The following KCTD16 variants were observed in gnomAD, a reference collection of about 807,000 sequenced individuals.
KCTD16 encodes the protein BTB/POZ domain-containing protein KCTD16.
Under a neutral mutation model 33.2 loss-of-function variants are expected in KCTD16, and 13 were observed. That is an observed-to-expected ratio of 0.39 (90% CI 0.25 to 0.62). The LOEUF (loss-of-function observed/expected upper bound fraction) is 0.62. Ranked by LOEUF, KCTD16 falls within the 20% of genes least tolerant of loss-of-function variation. The probability of loss-of-function intolerance (pLI) is 0.50; values close to 1 mark genes in which losing one functional copy is unlikely to be tolerated. For missense variants in KCTD16, 441 were observed against 525.1 expected, an observed-to-expected ratio of 0.84 and a Z score of 1.57; for synonymous variants, 197 against 195.3, an observed-to-expected ratio of 1.01 and a Z score of -0.07.
At position 144,302,037 on chromosome 5, in the gene KCTD16, G is replaced by T. The variant is rs1751456779; in HGVS notation, c.832+94491G>T. On this transcript the variant is annotated intron_variant, in intron 3 of 3. Transcript: ENST00000512467. ...TTAAGTAAGTTTTATGTAAAAATTA[G>T]GTTTTATTACTATCCCCTTTTAAAA... 2.6e-5 allele frequency among the ~76,000 whole-genome samples: 4 copies of T among 152,098 alleles called. No individual in the cohort carries two copies. The South Asian group carries it at 8.3e-4, about 32-fold the overall frequency.
At chr5:144,414,220 C>T (rs1752997050) in intron 3 of KCTD16, among the ~76,000 whole-genome samples, 2 of 152,084 alleles carry the variant, frequency 1.3e-5, no homozygotes, top group South Asian at 2.1e-4. Flanking sequence ...CTTGTTATTT[C>T]GTTCATGTTT....
chr5:144,199,783 C>A (rs1753007410), intron 2 of KCTD16, among the ~76,000 whole-genome samples: 1 of 122,118 alleles, frequency 8.2e-6, no homozygotes, highest in South Asian at 2.9e-4. Context: ...GTGGCAAAAT[C>A]TTGGCTCATT....
intron 3 of KCTD16, among the ~76,000 whole-genome samples, chr5:144,340,059 C>G (rs1752588351): frequency 6.6e-6 from 1 of 152,120 alleles, no homozygotes; most frequent in Non-Finnish European, 1.5e-5. Context: ...CCATTCCATT[C>G]TATCCAGTGA....
chr5:144,292,770 A>G (rs761765355), intron 3 of KCTD16, among the ~76,000 whole-genome samples: 38 of 152,184 alleles, frequency 2.5e-4, no homozygotes, highest in Non-Finnish European at 4.6e-4. Flanking sequence ...GGATCAATAG[A>G]GAATTCTCAA....
chr5:144,425,755 G>A (rs1384577057), intron 3 of KCTD16, among the ~76,000 whole-genome samples: 4 of 152,016 alleles, frequency 2.6e-5, no homozygotes, highest in Non-Finnish European at 4.4e-5. Flanking sequence ...GAGTCCCAAG[G>A]AAGCCCTGGG....
chr5:144,216,281 T>C (rs1188553708), intron 3 of KCTD16, among the ~76,000 whole-genome samples: 2 of 152,156 alleles, frequency 1.3e-5, no homozygotes, highest in Non-Finnish European at 1.5e-5. Context: ...TGAGTAGCTG[T>C]GTTATGTGGC....
In KCTD16 at chr5:144,299,112, A is replaced by T. The variant is rs1205981000; in HGVS notation, c.832+91566A>T. Among the ~76,000 whole-genome samples the T allele has an allele frequency of 7.9e-4, 11 of 13,978 alleles. 1 individual carries two copies. Among genetic ancestry groups the T allele is most frequent in the African/African-American group, 2.1e-3 (5 of 2,422 alleles). 9.2% of individuals were successfully genotyped at this position (13,978 alleles called of 152,430 possible). The stretch of plus-strand genomic sequence containing the variant: ...TATCACTATGTATATATATATATAT[A>T]TATATATATATATATATATATATAT... On this transcript the variant is annotated intron_variant, in intron 3 of 3. Coordinates refer to ENST00000512467, the MANE Select transcript of KCTD16 (RefSeq NM_020768.4).
At chr5:144,471,946 A>C (rs1421600291) in intron 3 of KCTD16, among the ~76,000 whole-genome samples, 1 of 152,218 alleles carries the variant, frequency 6.6e-6, no homozygotes, top group African/African-American at 2.4e-5. Flanking sequence ...TTAAAAAATT[A>C]TATGGAGATA....
chr5:144,227,302 G>A (rs1353132537), intron 3 of KCTD16, among the ~76,000 whole-genome samples: 1 of 152,154 alleles, frequency 6.6e-6, no homozygotes, highest in Non-Finnish European at 1.5e-5. Flanking sequence ...CAAACTATGG[G>A]GAATCTGACA....
intron 3 of KCTD16, among the ~76,000 whole-genome samples, chr5:144,372,685 A>G (rs538651086): frequency 6.6e-6 from 1 of 152,296 alleles, no homozygotes; most frequent in South Asian, 2.1e-4. Context: ...GAGAAACTGT[A>G]TGTCTAAAGG....
At chr5:144,368,934 C>T (rs1032042301) in intron 3 of KCTD16, among the ~76,000 whole-genome samples, 1 of 152,116 alleles carries the variant, frequency 6.6e-6, no homozygotes, top group African/African-American at 2.4e-5. Context: ...GAACTCGAAC[C>T]CAGATTTATC....
chr5:144,335,093 C>T lies in KCTD16; in HGVS notation c.832+127547C>T, dbSNP rs527279646. ...CTAGGCCCCACCCAGATCCTGTTTT[C>T]TTAATTATTTTTCTTGCACTGTACA... is the stretch of plus-strand genomic sequence containing the variant. On this transcript the variant is annotated intron_variant, in intron 3 of 3. Transcript: ENST00000512467. Among the ~76,000 whole-genome samples, 3 of 152,160 alleles carry T rather than the reference C, an allele frequency of 2.0e-5. No individual in the cohort carries two copies. The South Asian group carries it at 6.2e-4, about 32-fold the overall frequency.
intron 3 of KCTD16, among the ~76,000 whole-genome samples, chr5:144,299,898 T>TAAAAAAAAAAAAAAAAAAAAAAAAA (rs66821172): frequency 7.8e-6 from 1 of 128,900 alleles, no homozygotes; most frequent in African/African-American, 3.0e-5. Flanking sequence ...CAGAATCATT[T>TAAAAAAAAAAAAAAAAAAAAAAAAA]AAAAAAAAAA....
At chr5:144,314,686 A>C (rs1751859148) in intron 3 of KCTD16, among the ~76,000 whole-genome samples, 1 of 152,170 alleles carries the variant, frequency 6.6e-6, no homozygotes, top group Non-Finnish European at 1.5e-5. Context: ...ACTTCCTTAA[A>C]AATAGGGACT....
chr5:144,438,226 T>G (rs901704895), intron 3 of KCTD16, among the ~76,000 whole-genome samples: 3 of 152,204 alleles, frequency 2.0e-5, no homozygotes, highest in African/African-American at 7.2e-5. Context: ...CTGGAAACAG[T>G]ACAATGTTCC....
intron 3 of KCTD16, among the ~76,000 whole-genome samples, chr5:144,296,173 T>G (rs534972948): frequency 4.1e-4 from 63 of 152,186 alleles, no homozygotes; most frequent in African/African-American, 1.5e-3. Flanking sequence ...GTACAGGAGT[T>G]GGAGGCAAAA....
Position 144,209,199 on chromosome 5 carries a change from C to T in KCTD16, c.832+1653C>T, listed in dbSNP as rs149457323. Among the ~76,000 whole-genome samples, 543 of 152,272 alleles carry T rather than the reference C, an allele frequency of 3.6e-3. 5 individuals carry two copies. The highest frequency in any genetic ancestry group is 6.5e-3 in the Non-Finnish European group (443 of 68,014). On this transcript the variant is annotated intron_variant, in intron 3 of 3. Transcript: ENST00000512467. ...TAAATGGAAACATACCAGTTATACC[C>T]TCCAAAAAGACCACATTGGATTTAT...
Position 144,287,410 on chromosome 5 carries a change from C to G in KCTD16, c.832+79864C>G, listed in dbSNP as rs536817786. On this transcript the variant is annotated intron_variant, in intron 3 of 3. Coordinates refer to ENST00000512467, the MANE Select transcript of KCTD16 (RefSeq NM_020768.4). ...CGTTATGCTCCTTGTGGTTGGAAGA[C>G]TGTTCATGCATTCTTACAGCCACCA... is the stretch of plus-strand genomic sequence containing the variant. 5.3e-5 allele frequency among the ~76,000 whole-genome samples: 8 copies of G among 152,324 alleles called. No homozygotes were observed. In the East Asian group the frequency reaches 1.5e-3, roughly 29 times the overall value.
intron 3 of KCTD16, among the ~76,000 whole-genome samples, chr5:144,354,167 A>AC (rs989672772): frequency 6.6e-6 from 1 of 152,096 alleles, no homozygotes; most frequent in Non-Finnish European, 1.5e-5. Flanking sequence ...AACTCTAAAA[A>AC]AATTTTGTAA....
Sources: gnomAD v4.1 joint callset for allele counts (sites outside exome capture counted in the v4.1 genomes callset) on GRCh38, gnomAD v4.1.1 for gene constraint, MANE v1.5 for transcripts, NCBI Gene and HGNC (gene_info 2026-07-23, HGNC 2026-07-21) for gene names.